The following CCNDBP1 variants were observed in gnomAD, a reference collection of about 807,000 sequenced individuals.
CCNDBP1 encodes the protein cyclin-D1-binding protein 1.
A neutral mutation model predicts 46.2 loss-of-function variants in CCNDBP1; 45 were observed. The observed-to-expected ratio is 0.97, with a 90% CI of 0.77 to 1.25. The LOEUF is 1.25. CCNDBP1 is among the 50% of genes most tolerant of loss of function. CCNDBP1 has a pLI of 0.00. For missense variants in CCNDBP1, 436 were observed against 442.1 expected (o/e 0.99, Z 0.12); for synonymous variants, 154 against 163.6 (o/e 0.94, Z 0.45).
rs2042026174 is a variant in CCNDBP1 at position 43,195,419 on chromosome 15, T to C, written c.*578T>C. ...CCTTCTGAATATTATCACAGATTAC[T>C]CCATGTCTCTAAAATATATTGGCAT... On this transcript the variant is annotated 3_prime_UTR_variant, in exon 11 of 11. Coordinates refer to ENST00000300213, the MANE Select transcript of CCNDBP1 (RefSeq NM_012142.5). The C allele has an allele frequency of 6.6e-6, 1 of 152,282 alleles. No individual in the cohort carries two copies. Among genetic ancestry groups the C allele is most frequent in the African/African-American group, 2.4e-5 (1 of 41,460 alleles). The allele number at this position is 152,282 out of a possible 1,614,324, so 9.4% of individuals were successfully genotyped here.
At chr15:43,186,840 G>T (rs953893725) in intron 3 of CCNDBP1, among the ~76,000 whole-genome samples, 2 of 152,132 alleles carry the variant, frequency 1.3e-5, no homozygotes, top group Admixed American at 6.5e-5. Flanking sequence ...TTATCTGTAT[G>T]TGTCAGCTTC....
At position 43,195,001 on chromosome 15, in the gene CCNDBP1, T is replaced by G. The variant is rs2042020813; in HGVS notation, c.*160T>G. The G allele has an allele frequency of 3.7e-6, 2 of 543,074 alleles. No homozygotes were observed. Among genetic ancestry groups the G allele is most frequent in the Non-Finnish European group, 3.3e-6 (1 of 305,304 alleles). 33.6% of individuals were successfully genotyped at this position (543,074 alleles called of 1,614,324 possible). A position where few individuals can be genotyped will look rare whatever the true frequency, so the allele number is the denominator to read the frequency against. Reference sequence around the variant, plus strand: ...ACCAAAGATTGTTGGTTAGGCCAGATTGACACCTATTTATAAACCATATGC... The same window carrying G: ...ACCAAAGATTGTTGGTTAGGCCAGAGTGACACCTATTTATAAACCATATGC... On this transcript the variant is annotated 3_prime_UTR_variant, in exon 11 of 11. Coordinates refer to ENST00000300213, the MANE Select transcript of CCNDBP1 (RefSeq NM_012142.5).
chr15:43,192,238 C>T (rs1218700844), intron 8 of CCNDBP1, among the ~76,000 whole-genome samples: 1 of 152,152 alleles, frequency 6.6e-6, no homozygotes, highest in Non-Finnish European at 1.5e-5. Context: ...AAATATCCAA[C>T]AACCTGGATT....
rs1203691569 is a variant in CCNDBP1 at position 43,195,765 on chromosome 15, A to C, written c.*924A>C. The C allele has an allele frequency of 2.0e-5, 3 of 152,164 alleles. No homozygotes were observed. The highest frequency in any genetic ancestry group is 7.2e-5 in the African/African-American group (3 of 41,444). 9.4% of individuals were successfully genotyped at this position (152,164 alleles called of 1,614,324 possible). On this transcript the variant is annotated 3_prime_UTR_variant, in exon 11 of 11. Coordinates refer to ENST00000300213, the MANE Select transcript of CCNDBP1 (RefSeq NM_012142.5). ...GTCCTACAGGTCTCCGCCACCTCTC[A>C]TGCCCATCATCTTCCTTTTGTAGGT...
At chr15:43,194,544 T>G in intron 10 of CCNDBP1, 83 bp downstream of exon 10, 1 of 1,173,702 alleles carries the variant, frequency 8.5e-7, no homozygotes, top group Non-Finnish European at 1.2e-6. Context: ...TAGCTCCCAT[T>G]TCAAGGAGTG....
rs1381874969 is a variant in CCNDBP1, at chr15:43,190,089, C to T, written c.366C>T (p.Thr122=). Residue 122 remains threonine (T), a synonymous_variant, in exon 5 of 11, where the codon ACC becomes ACT. Coordinates refer to ENST00000300213, the MANE Select transcript of CCNDBP1 (RefSeq NM_012142.5). ...ITLRKLVRGA[T]LDIVDGMAQL... ...TGAGAAAGCTGGTACGGGGCGCCAC[C>T]CTGGACATCGTGGATGGCATGGCTC... The T allele has an allele frequency of 6.2e-7, 1 of 1,614,092 alleles. No individual in the cohort carries two copies. Among genetic ancestry groups the T allele is most frequent in the South Asian group, 1.1e-5 (1 of 91,070 alleles).
At chr15:43,186,543 G>C (rs973903206) in intron 3 of CCNDBP1, among the ~76,000 whole-genome samples, 3 of 152,170 alleles carry the variant, frequency 2.0e-5, no homozygotes, top group Non-Finnish European at 4.4e-5. Flanking sequence ...TCTGACAGAT[G>C]AGCAAGGAGG....
Position 43,196,967 on chromosome 15 carries a change from A to G in CCNDBP1, c.*2126A>G, listed in dbSNP as rs1024945415. ...GGGGTAATGAGTAAGTTCTCGCTCT[A>G]TATGTCCCTCCCCCACCCCAGAGCT... On this transcript the variant is annotated 3_prime_UTR_variant, in exon 11 of 11. Coordinates refer to ENST00000300213, the MANE Select transcript of CCNDBP1 (RefSeq NM_012142.5). 1.1e-5 allele frequency: 4 copies of G among 372,460 alleles called. No homozygotes were observed. The highest frequency in any genetic ancestry group is 4.4e-5 in the South Asian group (2 of 45,610). The allele number at this position is 372,460 out of a possible 1,614,324, so 23.1% of individuals were successfully genotyped here.
chr15:43,186,267 C>T (rs1221388116), intron 3 of CCNDBP1, 34 bp downstream of exon 3: 21 of 1,524,622 alleles, frequency 1.4e-5, no homozygotes, highest in Non-Finnish European at 1.6e-5. Flanking sequence ...CTTGGGCTGC[C>T]GAGTTACACC....
At chr15:43,194,548 A>G in intron 10 of CCNDBP1, 87 bp downstream of exon 10, 3 of 1,144,786 alleles carry the variant, frequency 2.6e-6, no homozygotes, top group Non-Finnish European at 3.8e-6. Context: ...TCCCATTTCA[A>G]GGAGTGGGAA....
Position 43,196,850 on chromosome 15 carries a change from C to A in CCNDBP1, c.*2009C>A. Reference sequence around the variant, plus strand: ...GATGTAGTTTGGATATTCAACCCTGCAAACCTCATGCTGAAATTGGATTCC... The same window carrying A: ...GATGTAGTTTGGATATTCAACCCTGAAAACCTCATGCTGAAATTGGATTCC... On this transcript the variant is annotated 3_prime_UTR_variant, in exon 11 of 11. Transcript: ENST00000300213. The A allele has an allele frequency of 3.8e-6, 1 of 263,162 alleles. No individual in the cohort carries two copies. Among genetic ancestry groups the A allele is most frequent in the South Asian group, 4.3e-5 (1 of 23,064 alleles). 16.3% of individuals were successfully genotyped at this position (263,162 alleles called of 1,614,324 possible). A position where few individuals can be genotyped will look rare whatever the true frequency, so the allele number is the denominator to read the frequency against.
rs2042012836 is a variant in CCNDBP1 at position 43,194,461 on chromosome 15, A to G, written c.968A>G (p.Lys323Arg). Residue 323 changes from lysine (K) to arginine (R), a missense_variant and splice_region_variant, in exon 10 of 11, where the codon AAA becomes AGA. Transcript: ENST00000300213. Reference protein sequence around the residue: ...SVLKKALEITKASHVTPQPED... With the variant: ...SVLKKALEITRASHVTPQPED... The stretch of plus-strand genomic sequence containing the variant: ...TTAAAGAAGGCACTTGAAATTACAA[A>G]GTAAGTATGAAGACTTCTCAGATAG... 6.2e-6 allele frequency: 10 copies of G among 1,603,466 alleles called. No individual in the cohort carries two copies. Among genetic ancestry groups the G allele is most frequent in the Non-Finnish European group, 8.5e-6 (10 of 1,176,598 alleles).
chr15:43,192,670 A>G (rs1233937996), intron 8 of CCNDBP1, 73 bp from the exon 9 acceptor site: 1 of 1,354,246 alleles, frequency 7.4e-7, no homozygotes, highest in Non-Finnish European at 1.1e-6. Flanking sequence ...CACTGTTGAC[A>G]TCCATAGTTG....
Position 43,194,887 on chromosome 15 carries a change from C to A in CCNDBP1, c.*46C>A. 2.5e-6 allele frequency: 3 copies of A among 1,216,366 alleles called. No homozygotes were observed. Among genetic ancestry groups the A allele is most frequent in the South Asian group, 1.2e-5 (1 of 81,852 alleles). 75.3% of individuals were successfully genotyped at this position (1,216,366 alleles called of 1,614,324 possible). ...TCTCTTCCCCTCTCATCGTCATGGT[C>A]AGGCTCTGATACCTGCTTTTAAAAT... On this transcript the variant is annotated 3_prime_UTR_variant, in exon 11 of 11. Transcript: ENST00000300213.
intron 2 of CCNDBP1, 130 bp from the exon 3 acceptor site, chr15:43,186,024 A>G: frequency 8.6e-7 from 1 of 1,167,268 alleles, no homozygotes; most frequent in Non-Finnish European, 1.3e-6. Context: ...AGCACCTGAG[A>G]GGGTGAAATA....
chr15:43,194,668 T>C (rs1342997007), intron 10 of CCNDBP1, 59 bp from the exon 11 acceptor site: 7 of 1,340,122 alleles, frequency 5.2e-6, no homozygotes, highest in Non-Finnish European at 7.5e-6. Flanking sequence ...CTCCTGAGGA[T>C]AGGTTTTCCC....
At chr15:43,186,747 C>T (rs1465536496) in intron 3 of CCNDBP1, among the ~76,000 whole-genome samples, 1 of 152,082 alleles carries the variant, frequency 6.6e-6, no homozygotes, top group Non-Finnish European at 1.5e-5. Context: ...TTTACCTTTC[C>T]ACCCACTTTC....
rs754212453 is a variant in CCNDBP1 at position 43,185,484 on chromosome 15, C to G, written c.-15C>G. The G allele has an allele frequency of 3.8e-6, 6 of 1,570,480 alleles. No individual in the cohort carries two copies. Among genetic ancestry groups the G allele is most frequent in the Non-Finnish European group, 5.2e-6 (6 of 1,161,918 alleles). ...AGCGGAGGCCTGTGTTTGCGGCCTT[C>G]GGCAAGCGACTGAGATGGCGAGCGC... On this transcript the variant is annotated 5_prime_UTR_variant, in exon 1 of 11. Transcript: ENST00000300213.
rs1433797265 is a variant in CCNDBP1 at position 43,194,867 on chromosome 15, T to G, written c.*26T>G. The G allele has an allele frequency of 7.3e-7, 1 of 1,379,090 alleles. No individual in the cohort carries two copies. Among genetic ancestry groups the G allele is most frequent in the Non-Finnish European group, 1.0e-6 (1 of 966,892 alleles). The allele number at this position is 1,379,090 out of a possible 1,614,324, so 85.4% of individuals were successfully genotyped here. Reference sequence around the variant, plus strand: ...CTTTTCAGGCTCATTTGTACTCTCTTCCCCTCTCATCGTCATGGTCAGGCT... The same window carrying G: ...CTTTTCAGGCTCATTTGTACTCTCTGCCCCTCTCATCGTCATGGTCAGGCT... On this transcript the variant is annotated 3_prime_UTR_variant, in exon 11 of 11. Transcript: ENST00000300213.
Sources: gnomAD v4.1 joint callset for allele counts (sites outside exome capture counted in the v4.1 genomes callset) on GRCh38, gnomAD v4.1.1 for gene constraint, MANE v1.5 for transcripts, NCBI Gene and HGNC (gene_info 2026-07-23, HGNC 2026-07-21) for gene names.